Variants in XYLT1 observed in about 807,000 individuals in gnomAD.
XYLT1 encodes beta-D-xylosyltransferase 1.
XYLT1 carries 36 observed loss-of-function variants against 91.3 expected under a neutral mutation model. The ratio of observed to expected loss-of-function variants is 0.39; its 90% CI spans 0.30 to 0.52. XYLT1 has a LOEUF of 0.52. XYLT1 is among the 20% of genes least tolerant of loss of function. The pLI is 0.68. For missense variants in XYLT1, 1,242 were observed against 1,284.5 expected, an observed-to-expected ratio of 0.97 and a Z score of 0.51; for synonymous variants, 588 against 532.0, an observed-to-expected ratio of 1.11 and a Z score of -1.45.
intron 9 of XYLT1, among the ~76,000 whole-genome samples, chr16:17,130,184 G>C (rs1170296711): frequency 6.6e-6 from 1 of 152,248 alleles, no homozygotes; most frequent in African/African-American, 2.4e-5. Flanking sequence ...GCCACCTCCC[G>C]ACTTGCAGTT....
intron 5 of XYLT1, among the ~76,000 whole-genome samples, chr16:17,172,618 TCCA>T (rs1271106111): frequency 1.3e-5 from 2 of 152,170 alleles, no homozygotes; most frequent in South Asian, 4.2e-4. Flanking sequence ...ATTACAAGCA[TCCA>T]CCACCACATC....
chr16:17,261,377 C>T (rs73519212), intron 2 of XYLT1, among the ~76,000 whole-genome samples: 166 of 152,260 alleles, frequency 1.1e-3, no homozygotes, highest in African/African-American at 3.8e-3. Flanking sequence ...CTGAGTACTG[C>T]TATGACTTTC....
chr16:17,426,672 C>T (rs929785980), intron 1 of XYLT1, among the ~76,000 whole-genome samples: 1 of 152,202 alleles, frequency 6.6e-6, no homozygotes, highest in Non-Finnish European at 1.5e-5. Context: ...GACACATAGA[C>T]ACGCCCACTA....
intron 1 of XYLT1, among the ~76,000 whole-genome samples, chr16:17,458,641 A>G (rs2036775465): frequency 6.6e-6 from 1 of 152,168 alleles, no homozygotes; most frequent in African/African-American, 2.4e-5. Context: ...AAACTGGTTA[A>G]GTTGACATTG....
chr16:17,213,264 G>T (rs1209138635), intron 3 of XYLT1, among the ~76,000 whole-genome samples: 1 of 152,142 alleles, frequency 6.6e-6, no homozygotes, highest in Non-Finnish European at 1.5e-5. Context: ...CACCACAATT[G>T]TAAGTTTCCT....
At chr16:17,425,751 C>T (rs759826588) in intron 1 of XYLT1, among the ~76,000 whole-genome samples, 5 of 152,282 alleles carry the variant, frequency 3.3e-5, no homozygotes, top group Non-Finnish European at 7.3e-5. Flanking sequence ...TTCCTGCCTC[C>T]GTGCCTTGCC....
At chr16:17,162,705 G>C (rs1334322633) in intron 5 of XYLT1, among the ~76,000 whole-genome samples, 1 of 152,160 alleles carries the variant, frequency 6.6e-6, no homozygotes, top group Non-Finnish European at 1.5e-5. Context: ...CATACTTCAG[G>C]CCCCACCCAA....
At chr16:17,270,873 C>G (rs1011122393) in intron 2 of XYLT1, among the ~76,000 whole-genome samples, 1 of 152,128 alleles carries the variant, frequency 6.6e-6, no homozygotes, top group Non-Finnish European at 1.5e-5. Context: ...CCAGAAAAGC[C>G]AACATCTGGC....
At chr16:17,421,149 T>C (rs2036246937) in intron 1 of XYLT1, among the ~76,000 whole-genome samples, 1 of 152,162 alleles carries the variant, frequency 6.6e-6, no homozygotes, top group South Asian at 2.1e-4. Flanking sequence ...CCATGGAAAA[T>C]CAAGACTCAG....
At position 17,115,173 on chromosome 16, in the gene XYLT1, T is replaced by C. The variant is rs574007619; in HGVS notation, c.2557+2473A>G. 5.9e-5 allele frequency among the ~76,000 whole-genome samples: 9 copies of C among 152,070 alleles called. No homozygotes were observed. The South Asian group carries it at 1.7e-3, about 28-fold the overall frequency. Reference sequence around the variant, plus strand: ...CATACAATTTTATGTTTAAGACTCTTCCTTGTTGGGGCTGGGTGTGGTGGG... The same window carrying C: ...CATACAATTTTATGTTTAAGACTCTCCCTTGTTGGGGCTGGGTGTGGTGGG... On this transcript the variant is annotated intron_variant, in intron 11 of 11. Coordinates refer to ENST00000261381, the MANE Select transcript of XYLT1 (RefSeq NM_022166.4).
chr16:17,335,694 C>A (rs1255026107), intron 2 of XYLT1, among the ~76,000 whole-genome samples: 216 of 125,296 alleles, frequency 1.7e-3, no homozygotes, highest in Middle Eastern at 4.5e-3. Flanking sequence ...AACTCCATCT[C>A]AAAAAAAAAA....
At chr16:17,223,950 T>A in intron 3 of XYLT1, among the ~76,000 whole-genome samples, 1 of 152,346 alleles carries the variant, frequency 6.6e-6, no homozygotes, top group African/African-American at 2.4e-5. Flanking sequence ...CTACGTTTGA[T>A]TGTTATAGCA....
chr16:17,417,766 G>A (rs2036198506), intron 1 of XYLT1, among the ~76,000 whole-genome samples: 1 of 152,184 alleles, frequency 6.6e-6, no homozygotes. Flanking sequence ...CCAATTGAAT[G>A]CAGTGAAAGT....
rs562984448 is a variant in XYLT1 at position 17,338,050 on chromosome 16, G to A, written c.402+19962C>T. ...CCCAAAGTGCTGGGATTATAGGCGT[G>A]AGCCACCGCACCCGGCCCCCGTTCT... is the stretch of plus-strand genomic sequence containing the variant. On this transcript the variant is annotated intron_variant, in intron 2 of 11. Coordinates refer to ENST00000261381, the MANE Select transcript of XYLT1 (RefSeq NM_022166.4). The A allele has an allele frequency of 6.4e-5, 25 of 390,228 alleles. No homozygotes were observed. In the Middle Eastern group the frequency reaches 1.8e-3, roughly 28 times the overall value. 24.2% of individuals were successfully genotyped at this position (390,228 alleles called of 1,614,324 possible). A position where few individuals can be genotyped will look rare whatever the true frequency, so the allele number is the denominator to read the frequency against.
intron 2 of XYLT1, among the ~76,000 whole-genome samples, chr16:17,288,655 C>T (rs1337948278): frequency 1.3e-5 from 2 of 152,196 alleles, no homozygotes; most frequent in Admixed American, 6.5e-5. Flanking sequence ...CTAAGTTTGG[C>T]TTCTCTGTCT....
At chr16:17,178,511 G>C (rs1245664840) in intron 5 of XYLT1, among the ~76,000 whole-genome samples, 2 of 152,124 alleles carry the variant, frequency 1.3e-5, no homozygotes, top group East Asian at 1.9e-4. Flanking sequence ...TGGGTGAGTG[G>C]GTTGGCACTA....
intron 1 of XYLT1, among the ~76,000 whole-genome samples, chr16:17,361,505 T>C (rs1024479387): frequency 1.1e-4 from 17 of 152,238 alleles, no homozygotes; most frequent in South Asian, 6.2e-4. Context: ...AAATAATACA[T>C]GCTCTTTCTC....
At chr16:17,239,746 C>G (rs1352234041) in intron 3 of XYLT1, among the ~76,000 whole-genome samples, 4 of 151,874 alleles carry the variant, frequency 2.6e-5, no homozygotes, top group Non-Finnish European at 4.4e-5. Context: ...CATCCATCCA[C>G]CCACCCAGCC....
intron 1 of XYLT1, among the ~76,000 whole-genome samples, chr16:17,460,545 A>G (rs1293138703): frequency 1.3e-5 from 2 of 152,172 alleles, no homozygotes; most frequent in African/African-American, 2.4e-5. Flanking sequence ...TTATGTCTTC[A>G]TAGTGAACAC....
Sources: gnomAD v4.1 joint callset for allele counts (sites outside exome capture counted in the v4.1 genomes callset) on GRCh38, gnomAD v4.1.1 for gene constraint, MANE v1.5 for transcripts, NCBI Gene and HGNC (gene_info 2026-07-23, HGNC 2026-07-21) for gene names.